ANAPC10: variants seen among roughly 807,000 people sequenced by gnomAD.
ANAPC10 encodes the protein anaphase-promoting complex subunit 10.
In ANAPC10, 12 loss-of-function variants were observed where a neutral mutation model predicts 22.0. The observed-to-expected ratio is 0.55, with a 90% CI of 0.35 to 0.88. The LOEUF is 0.88. Ranked by LOEUF, ANAPC10 falls within the 40% of genes least tolerant of loss-of-function variation. The probability of loss-of-function intolerance (pLI) is 0.01; values close to 1 mark genes in which losing one functional copy is unlikely to be tolerated. For missense variants in ANAPC10, 188 were observed against 220.9 expected (o/e 0.85, Z 0.94); for synonymous variants, 65 against 69.5 (o/e 0.94, Z 0.32).
rs140033645 is a variant in ANAPC10, at chr4:144,995,107, A to C, written c.*266T>G. 7.0e-4 allele frequency: 168 copies of C among 241,274 alleles called. 3 individuals are homozygous for C. The East Asian group carries it at 7.3e-3, about 11-fold the overall frequency. 14.9% of individuals were successfully genotyped at this position (241,274 alleles called of 1,614,324 possible). ...TCAACTCTTTTCTTTTGATACAAGG[A>C]ACTCTTTTCTTTTGATACAAGGGAA... On this transcript the variant is annotated 3_prime_UTR_variant, in exon 5 of 5. Transcript: ENST00000507656.
chr4:145,041,082 A>G (rs1406322086), intron 4 of ANAPC10, among the ~76,000 whole-genome samples: 1 of 152,172 alleles, frequency 6.6e-6, no homozygotes, highest in Non-Finnish European at 1.5e-5. Flanking sequence ...TGCTTGTAGG[A>G]TCTATGACTT....
chr4:145,046,172 A>C (rs1740270169), intron 4 of ANAPC10, among the ~76,000 whole-genome samples: 1 of 152,082 alleles, frequency 6.6e-6, no homozygotes, highest in Non-Finnish European at 1.5e-5. Flanking sequence ...GTCTGCAAAA[A>C]TATTTGTGCA....
intron 3 of ANAPC10, among the ~76,000 whole-genome samples, chr4:145,069,454 T>C (rs1744174728): frequency 6.6e-6 from 1 of 152,158 alleles, no homozygotes. Context: ...GAACAAGCAC[T>C]GGGGAAAGAA....
At chr4:145,010,959 GA>G (rs1320967625) in intron 4 of ANAPC10, among the ~76,000 whole-genome samples, 1 of 152,102 alleles carries the variant, frequency 6.6e-6, no homozygotes, top group Non-Finnish European at 1.5e-5. Flanking sequence ...GGTATCCACG[GA>G]AGGCACGGCA....
At chr4:145,074,720 A>G (rs997896055) in intron 3 of ANAPC10, among the ~76,000 whole-genome samples, 1 of 152,176 alleles carries the variant, frequency 6.6e-6, no homozygotes, top group African/African-American at 2.4e-5. Context: ...CATCTATACA[A>G]ATAAATAACC....
chr4:145,050,570 C>T (rs1302122749), intron 4 of ANAPC10, among the ~76,000 whole-genome samples: 2 of 152,182 alleles, frequency 1.3e-5, no homozygotes, highest in Admixed American at 1.3e-4. Context: ...CAGTAGAAGG[C>T]TTTTTGTCTA....
chr4:145,084,253 C>A (rs1414267163), intron 2 of ANAPC10, among the ~76,000 whole-genome samples: 4 of 152,070 alleles, frequency 2.6e-5, no homozygotes, highest in African/African-American at 4.8e-5. Flanking sequence ...AGAAGTTTAT[C>A]CAGAGAAAAT....
At chr4:145,053,614 T>C (rs1560881742) in intron 4 of ANAPC10, 2 of 420,694 alleles carry the variant, frequency 4.8e-6, no homozygotes, top group Non-Finnish European at 8.4e-6. Context: ...TTCCCAAATA[T>C]CTACAAATCC....
In ANAPC10 at chr4:145,054,480, C is replaced by T. The variant is rs562739324; in HGVS notation, c.327+10092G>A. Among the ~76,000 whole-genome samples the T allele has an allele frequency of 2.0e-5, 3 of 150,758 alleles. No individual in the cohort carries two copies. In the South Asian group the frequency reaches 6.3e-4, roughly 32 times the overall value. On this transcript the variant is annotated intron_variant, in intron 4 of 4. Transcript: ENST00000507656. ...GGCTGAGGCAGGAGAATGGAGTGAA[C>T]CCAGGAGGCAGAGCTTGCAGTGAGC...
intron 2 of ANAPC10, among the ~76,000 whole-genome samples, chr4:145,090,290 G>A (rs1747480530): frequency 6.6e-6 from 1 of 152,018 alleles, no homozygotes; most frequent in Non-Finnish European, 1.5e-5. Context: ...TTCTATTTGT[G>A]TTATTTTTGT....
At chr4:144,995,656 T>A in intron 4 of ANAPC10, 53 bp from the exon 5 acceptor site, 1 of 1,146,936 alleles carries the variant, frequency 8.7e-7, no homozygotes. Flanking sequence ...ATATAATTTA[T>A]AACAATGAAT....
At chr4:145,070,938 A>G (rs565539236) in intron 3 of ANAPC10, among the ~76,000 whole-genome samples, 1 of 152,382 alleles carries the variant, frequency 6.6e-6, no homozygotes, top group African/African-American at 2.4e-5. Context: ...TCCCCAGAAC[A>G]GTGAAATACA....
At chr4:145,063,199 A>C (rs1743167330) in intron 4 of ANAPC10, among the ~76,000 whole-genome samples, 1 of 152,196 alleles carries the variant, frequency 6.6e-6, no homozygotes, top group Admixed American at 6.5e-5. Context: ...GAAGTAATGC[A>C]TATGTTAACT....
intron 2 of ANAPC10, among the ~76,000 whole-genome samples, chr4:145,089,699 C>T (rs941161562): frequency 6.6e-6 from 1 of 152,110 alleles, no homozygotes; most frequent in Non-Finnish European, 1.5e-5. Flanking sequence ...TTTTGCAAAG[C>T]CATGTGCCAC....
intron 3 of ANAPC10, among the ~76,000 whole-genome samples, chr4:145,074,149 CAT>C (rs927986115): frequency 1.3e-5 from 2 of 151,096 alleles, no homozygotes; most frequent in African/African-American, 2.4e-5. Flanking sequence ...ATATATAAAA[CAT>C]ATATTATATA....
chr4:145,040,748 A>G (rs1739387921), intron 4 of ANAPC10, among the ~76,000 whole-genome samples: 1 of 152,236 alleles, frequency 6.6e-6, no homozygotes, highest in South Asian at 2.1e-4. Flanking sequence ...ATGTATGCCT[A>G]GAATAAAAAT....
intron 4 of ANAPC10, among the ~76,000 whole-genome samples, chr4:145,026,945 A>ATATATATATATATATGTG (rs1287102797): frequency 1.3e-3 from 22 of 17,142 alleles, no homozygotes; most frequent in East Asian, 3.0e-3. Flanking sequence ...ATATATATAT[A>ATATATATATATATATGTG]TGTGTGTGTG....
chr4:145,049,115 C>A (rs1033426167), intron 4 of ANAPC10, among the ~76,000 whole-genome samples: 13 of 152,242 alleles, frequency 8.5e-5, no homozygotes, highest in East Asian at 1.9e-4. Flanking sequence ...ATGTACATAT[C>A]CTCACAAAAA....
chr4:144,998,569 T>C (rs367601165), intron 4 of ANAPC10, among the ~76,000 whole-genome samples: 8 of 152,120 alleles, frequency 5.3e-5, no homozygotes, highest in East Asian at 1.9e-4. Flanking sequence ...TTGAAACTAA[T>C]GAGAACAAAG....
Sources: allele counts gnomAD v4.1 joint callset (sites outside exome capture counted in the v4.1 genomes callset), GRCh38; gene constraint gnomAD v4.1.1; transcripts MANE v1.5; gene names NCBI Gene and HGNC (gene_info 2026-07-23, HGNC 2026-07-21).